Variants in EVC2 observed in about 807,000 individuals in gnomAD.
The protein encoded by EVC2 is limbin.
A neutral mutation model predicts 149.3 loss-of-function variants in EVC2; 148 were observed. The observed-to-expected ratio is 0.99, with a 90% CI of 0.87 to 1.14. The LOEUF (loss-of-function observed/expected upper bound fraction) is 1.14. EVC2 is among the 50% of genes most tolerant of loss of function. The pLI is 0.00. For missense variants in EVC2, 1,854 were observed against 1,627.3 expected, an observed-to-expected ratio of 1.14 and a Z score of -2.40; for synonymous variants, 776 against 649.9, an observed-to-expected ratio of 1.19 and a Z score of -2.95.
At chr4:5,550,470 AT>A (rs1254287316) in intron 21 of EVC2, among the ~76,000 whole-genome samples, 2 of 152,214 alleles carry the variant, frequency 1.3e-5, no homozygotes, top group Admixed American at 1.3e-4. Context: ...TAAAGAGATG[AT>A]TTAGGGTATC....
chr4:5,700,034 G>A (rs759555235), intron 1 of EVC2, among the ~76,000 whole-genome samples: 1 of 152,088 alleles, frequency 6.6e-6, no homozygotes, highest in South Asian at 2.1e-4. Context: ...CAGCTACTTG[G>A]GAGGCTGAAG....
At chr4:5,668,658 A>G (rs1285017264) in intron 7 of EVC2, among the ~76,000 whole-genome samples, 13 of 152,244 alleles carry the variant, frequency 8.5e-5, no homozygotes, top group Admixed American at 8.5e-4. Flanking sequence ...CACAGTAGCT[A>G]AAGATCAGCA....
chr4:5,550,757 C>A (rs1190566520), intron 21 of EVC2, among the ~76,000 whole-genome samples: 1 of 152,208 alleles, frequency 6.6e-6, no homozygotes, highest in African/African-American at 2.4e-5. Flanking sequence ...CCATCACAGG[C>A]CTGGAGGCTT....
intron 7 of EVC2, among the ~76,000 whole-genome samples, chr4:5,671,564 T>A (rs897489495): frequency 2.0e-5 from 3 of 152,188 alleles, no homozygotes; most frequent in South Asian, 4.1e-4. Flanking sequence ...CAGGCTGGAG[T>A]GCAATGGCAC....
intron 17 of EVC2, among the ~76,000 whole-genome samples, chr4:5,578,058 C>T (rs1483458990): frequency 6.6e-6 from 1 of 152,164 alleles, no homozygotes; most frequent in Non-Finnish European, 1.5e-5. Context: ...AAATGTGTCC[C>T]ACGTTTATAA....
chr4:5,639,812 C>T (rs1469448073), intron 10 of EVC2, among the ~76,000 whole-genome samples: 1 of 152,230 alleles, frequency 6.6e-6, no homozygotes, highest in African/African-American at 2.4e-5. Flanking sequence ...ATGAATTCTA[C>T]AGCATTGTGA....
chr4:5,670,194 CATT>C lies in EVC2; in HGVS notation c.871-4548_871-4546del, dbSNP rs1403897900. Among the ~76,000 whole-genome samples, 1 of 152,146 alleles carries C rather than the reference CATT, an allele frequency of 6.6e-6. No homozygotes were observed. Among genetic ancestry groups the C allele is most frequent in the East Asian group, 1.9e-4 (1 of 5,188 alleles). On this transcript the variant is annotated intron_variant, in intron 7 of 21. Transcript: ENST00000344408. This position sits in a 1 kb window ranked among gnomAD's most constrained non-coding sequence, Gnocchi z 5.2. ...CTACCATCACTATCATCATCACCAA[CATT>C]AATATTACCACCATGATTATCAACA... is the stretch of plus-strand genomic sequence containing the variant.
At chr4:5,650,628 T>TAGAG (rs1239090686) in intron 9 of EVC2, among the ~76,000 whole-genome samples, 6 of 77,356 alleles carry the variant, frequency 7.8e-5, no homozygotes, top group African/African-American at 1.8e-4. Flanking sequence ...TATATATATA[T>TAGAG]ATATATATAT....
At position 5,625,784 on chromosome 4, in the gene EVC2, AT is replaced by A. The variant is rs2108843186; in HGVS notation, c.2010del (p.Lys670AsnfsTer2). On this transcript the variant is annotated frameshift_variant, in exon 13 of 22. Coordinates refer to ENST00000344408, the MANE Select transcript of EVC2 (RefSeq NM_147127.5). LOFTEE classifies it high-confidence loss of function. This position sits in a 1 kb window ranked among gnomAD's most constrained non-coding sequence, Gnocchi z 4.0. ...LKQEKKKLHQ[K>X]LITKRRRELL... ...AACTCTCGTCTTCTCTTAGTTATTA[AT>A]TTTTGGTGGAGCTTTTTCTTTTCCT... The A allele has an allele frequency of 6.8e-6, 11 of 1,614,038 alleles. No homozygotes were observed. Among genetic ancestry groups the A allele is most frequent in the Non-Finnish European group, 9.3e-6 (11 of 1,180,022 alleles).
At chr4:5,667,989 A>G (rs1719384313) in intron 7 of EVC2, among the ~76,000 whole-genome samples, 1 of 152,212 alleles carries the variant, frequency 6.6e-6, no homozygotes, top group African/African-American at 2.4e-5. Flanking sequence ...AAGCTTTTCT[A>G]AGGATAGCAG....
At chr4:5,699,238 G>T (rs769081984) in intron 1 of EVC2, among the ~76,000 whole-genome samples, 6 of 152,184 alleles carry the variant, frequency 3.9e-5, no homozygotes, top group Non-Finnish European at 7.3e-5. Context: ...ATCCAGACAG[G>T]CTTCTACCAA....
intron 9 of EVC2, among the ~76,000 whole-genome samples, chr4:5,641,095 T>C (rs1415773432): frequency 6.6e-6 from 1 of 152,260 alleles, no homozygotes; most frequent in South Asian, 2.1e-4. Flanking sequence ...TGTCAACAAG[T>C]AACAAGTCAG....
At chr4:5,631,363 G>C (rs1716515469) in intron 11 of EVC2, among the ~76,000 whole-genome samples, 1 of 152,094 alleles carries the variant, frequency 6.6e-6, no homozygotes, top group South Asian at 2.1e-4. Context: ...AAAGTGCTGG[G>C]AGCCACCAAG....
At chr4:5,694,724 G>A (rs189570429) in intron 2 of EVC2, among the ~76,000 whole-genome samples, 25 of 152,216 alleles carry the variant, frequency 1.6e-4, no homozygotes, top group African/African-American at 5.3e-4. Flanking sequence ...TCAAAGCCTC[G>A]TCTCCTTACC....
At chr4:5,573,158 C>T (rs17686764) in intron 19 of EVC2, among the ~76,000 whole-genome samples, 3,088 of 152,258 alleles carry the variant, frequency 0.02, 42 homozygotes, top group Non-Finnish European at 0.033. Context: ...TTGGCACAGT[C>T]AACAGAATAA....
At chr4:5,583,205 A>C (rs1560138441) in intron 17 of EVC2, among the ~76,000 whole-genome samples, 1 of 152,228 alleles carries the variant, frequency 6.6e-6, no homozygotes, top group Non-Finnish European at 1.5e-5. Flanking sequence ...TTCTAGAATA[A>C]ACCCAACCTG....
rs758884806 is a variant in EVC2, at chr4:5,622,145, T to C, written c.2501+392A>G. Among the ~76,000 whole-genome samples the C allele has an allele frequency of 1.9e-4, 29 of 152,006 alleles. No homozygotes were observed. Among genetic ancestry groups the C allele is most frequent in the Non-Finnish European group, 4.0e-4 (27 of 67,980 alleles). On this transcript the variant is annotated intron_variant, in intron 14 of 21. Coordinates refer to ENST00000344408, the MANE Select transcript of EVC2 (RefSeq NM_147127.5). The surrounding 1 kb of genome is among the most constrained non-coding windows in gnomAD (Gnocchi z 5.8). The stretch of plus-strand genomic sequence containing the variant: ...AGCTCCCCTTCCCCCTCTGCTCCTG[T>C]GGATCATGTCCCCTCCCCAGGGGAC...
chr4:5,595,635 T>G (rs373438134), intron 16 of EVC2, among the ~76,000 whole-genome samples: 6 of 152,116 alleles, frequency 3.9e-5, no homozygotes, highest in Non-Finnish European at 8.8e-5. Flanking sequence ...TAAAGACCAT[T>G]GAGGCTAGGA....
intron 12 of EVC2, among the ~76,000 whole-genome samples, chr4:5,626,217 A>T (rs370050024): frequency 2.6e-5 from 4 of 152,300 alleles, no homozygotes; most frequent in South Asian, 4.1e-4. Context: ...TAGATTAAAA[A>T]TCCTGGTGTC....
Sources: gnomAD v4.1 joint callset for allele counts (sites outside exome capture counted in the v4.1 genomes callset) on GRCh38, gnomAD v4.1.1 for gene constraint, Gnocchi (gnomAD v3.1) non-coding constraint, MANE v1.5 for transcripts, NCBI Gene and HGNC (gene_info 2026-07-23, HGNC 2026-07-21) for gene names.